Variants in BRF1 observed in about 807,000 individuals in gnomAD.
The protein encoded by BRF1 is BRF1 general transcription factor IIIB subunit.
In BRF1, 59 loss-of-function variants were observed where a neutral mutation model predicts 81.7. The ratio of observed to expected loss-of-function variants is 0.72; its 90% CI spans 0.59 to 0.90. BRF1 has a LOEUF of 0.90. Ranked by LOEUF, BRF1 falls within the 40% of genes least tolerant of loss-of-function variation. The probability of loss-of-function intolerance (pLI) is 0.00; values close to 1 mark genes in which losing one functional copy is unlikely to be tolerated. For missense variants in BRF1, 1,050 were observed against 936.3 expected (o/e 1.12, Z -1.58); for synonymous variants, 491 against 395.6 (o/e 1.24, Z -2.86).
At chr14:105,294,930 C>A (rs754173517) in intron 1 of BRF1, among the ~76,000 whole-genome samples, 2 of 152,116 alleles carry the variant, frequency 1.3e-5, no homozygotes, top group Non-Finnish European at 2.9e-5. Flanking sequence ...TGAAAGAAGC[C>A]GAAACCACAG....
chr14:105,305,153 C>A (rs1266304125), upstream of BRF1, among the ~76,000 whole-genome samples: 1 of 152,138 alleles, frequency 6.6e-6, no homozygotes, highest in Non-Finnish European at 1.5e-5. Context: ...GTGATCTCAG[C>A]ACTTTGGGAG....
intron 1 of BRF1, among the ~76,000 whole-genome samples, chr14:105,294,216 C>T (rs1426699049): frequency 6.6e-6 from 1 of 152,260 alleles, no homozygotes; most frequent in Non-Finnish European, 1.5e-5. Flanking sequence ...GAACCCGCCG[C>T]CTCGCAGCAC....
chr14:105,293,207 T>G (rs1229345954), intron 1 of BRF1, among the ~76,000 whole-genome samples: 2 of 152,106 alleles, frequency 1.3e-5, no homozygotes, highest in East Asian at 3.9e-4. Context: ...CACATCCTTC[T>G]CTGAGGCAGA....
chr14:105,249,576 C>A lies in BRF1; in HGVS notation c.544+2931G>T, dbSNP rs1489013733. 2.5e-6 allele frequency: 4 copies of A among 1,586,198 alleles called. No individual in the cohort carries two copies. In the African/African-American group the frequency reaches 5.4e-5, roughly 21 times the overall value. ...ACACAGGAGCTGATGGACTCCTCTC[C>A]CAGGCCCAGCCCCGCGATGGGTGCT... is the stretch of plus-strand genomic sequence containing the variant. On this transcript the variant is annotated intron_variant, in intron 5 of 17. Transcript: ENST00000547530.
chr14:105,220,401 A>G (rs1366395579), intron 11 of BRF1, among the ~76,000 whole-genome samples: 3 of 152,224 alleles, frequency 2.0e-5, no homozygotes, highest in Admixed American at 6.5e-5. Context: ...TAAAAAAGCA[A>G]CTTTTTAAGA....
chr14:105,315,020 C>T lies in BRF1; in HGVS notation c.-162+302G>A. 3 of 1,226,114 alleles carry T rather than the reference C, an allele frequency of 2.4e-6. No homozygotes were observed. The highest frequency in any genetic ancestry group is 2.1e-6 in the Non-Finnish European group (2 of 965,282). 76.0% of individuals were successfully genotyped at this position (1,226,114 alleles called of 1,614,324 possible). ...CCACCTGGGAGGTGGACGGCTCCAGCCCCAGCTGCGTGCCCAGGTACGCGC... is the reference window on the plus strand; with the variant it reads ...CCACCTGGGAGGTGGACGGCTCCAGTCCCAGCTGCGTGCCCAGGTACGCGC... On this transcript the variant is annotated intron_variant, in intron 1 of 17. Transcript: ENST00000327359. The surrounding 1 kb of genome is among the most constrained non-coding windows in gnomAD (Gnocchi z 4.4).
At chr14:105,229,077 C>T (rs182253664) in intron 6 of BRF1, among the ~76,000 whole-genome samples, 164 bp from the exon 7 acceptor site, 449 of 152,320 alleles carry the variant, frequency 2.9e-3, no homozygotes, top group Non-Finnish European at 3.9e-3. Context: ...TACTCCTGAA[C>T]GACATGACCC....
Position 105,269,681 on chromosome 14 carries a change from C to T in BRF1, c.439+3040G>A, listed in dbSNP as rs587664533. ...GTCCTGCCAGACTCAGAGGCAGCCC[C>T]GGCAGTGCCACAGGACTGCTCTCCG... On this transcript the variant is annotated intron_variant, in intron 3 of 17. Transcript: ENST00000547530. This position sits in a 1 kb window ranked among gnomAD's most constrained non-coding sequence, Gnocchi z 5.0. 2.6e-5 allele frequency among the ~76,000 whole-genome samples: 4 copies of T among 152,234 alleles called. No individual in the cohort carries two copies. The highest frequency in any genetic ancestry group is 3.9e-4 in the East Asian group (2 of 5,172).
At chr14:105,241,132 C>T (rs1170832022) in intron 6 of BRF1, 133 bp downstream of exon 6, 13 of 1,427,680 alleles carry the variant, frequency 9.1e-6, no homozygotes, top group Admixed American at 4.3e-5. Context: ...AGGCCAGAGT[C>T]AGCCCCGGGA....
intron 6 of BRF1, 51 bp downstream of exon 6, chr14:105,241,214 T>C: frequency 6.3e-7 from 1 of 1,595,822 alleles, no homozygotes; most frequent in South Asian, 1.1e-5. Flanking sequence ...CAGGAAAGTG[T>C]GAGGCCAGGA....
At position 105,284,572 on chromosome 14, in the gene BRF1, A is replaced by G. The variant is rs73353774; in HGVS notation, c.265+1724T>C. 0.079 allele frequency among the ~76,000 whole-genome samples: 12,053 copies of G among 152,248 alleles called. 1,022 individuals carry two copies. Among genetic ancestry groups the G allele is most frequent in the African/African-American group, 0.21 (8,745 of 41,496 alleles). On this transcript the variant is annotated intron_variant, in intron 2 of 17. Transcript: ENST00000547530. The surrounding 1 kb of genome is among the most constrained non-coding windows in gnomAD (Gnocchi z 4.0). ...CTTCCAGCATCCACACTAAGGCTGCAGGACATGGCTGCACCGATCACAAGA... is the reference window on the plus strand; with the variant it reads ...CTTCCAGCATCCACACTAAGGCTGCGGGACATGGCTGCACCGATCACAAGA...
chr14:105,267,170 T>C (rs1398759945), intron 3 of BRF1, among the ~76,000 whole-genome samples: 2 of 152,242 alleles, frequency 1.3e-5, no homozygotes, highest in East Asian at 3.8e-4. Flanking sequence ...GAATGATGTA[T>C]TAATAATGTC....
intron 10 of BRF1, chr14:105,222,211 G>C (rs1892388999): frequency 2.9e-6 from 1 of 347,880 alleles, no homozygotes; most frequent in Non-Finnish European, 5.2e-6. Flanking sequence ...GGTTCTAAAA[G>C]CAGAATCCAT....
chr14:105,251,613 C>G (rs587736861), intron 5 of BRF1, among the ~76,000 whole-genome samples: 1 of 152,174 alleles, frequency 6.6e-6, no homozygotes, highest in Non-Finnish European at 1.5e-5. Context: ...TAGCCTCAGC[C>G]GGTGCCCCTC....
intron 1 of BRF1, among the ~76,000 whole-genome samples, chr14:105,311,154 A>G (rs927870279): frequency 1.9e-4 from 29 of 152,130 alleles, no homozygotes; most frequent in Admixed American, 1.4e-3. Flanking sequence ...GGGTTTCACT[A>G]TGTTGGCCAG....
Position 105,209,865 on chromosome 14 carries a change from C to T in BRF1, c.*686G>A. On this transcript the variant is annotated 3_prime_UTR_variant, in exon 18 of 18. Coordinates refer to ENST00000547530, the MANE Select transcript of BRF1 (RefSeq NM_001519.4). Reference sequence around the variant, plus strand: ...GCCCACAACTCAAGTGGCCCTGGAGCAGGGGTCTGACCCCCATGCTGCTCC... The same window carrying T: ...GCCCACAACTCAAGTGGCCCTGGAGTAGGGGTCTGACCCCCATGCTGCTCC... 1 of 477,920 alleles carries T rather than the reference C, an allele frequency of 2.1e-6. No individual in the cohort carries two copies. Among genetic ancestry groups the T allele is most frequent in the Non-Finnish European group, 3.7e-6 (1 of 272,492 alleles). The allele number at this position is 477,920 out of a possible 1,614,324, so 29.6% of individuals were successfully genotyped here.
At chr14:105,212,487 G>C (rs1890279170) in intron 15 of BRF1, 1 of 335,732 alleles carries the variant, frequency 3.0e-6, no homozygotes, top group East Asian at 6.4e-5. Flanking sequence ...CTCACTCAGG[G>C]AGGAGGGGAG....
chr14:105,273,652 G>A (rs1232280057), intron 2 of BRF1, among the ~76,000 whole-genome samples: 1 of 152,200 alleles, frequency 6.6e-6, no homozygotes, highest in Admixed American at 6.5e-5. Context: ...TGGAATCAAG[G>A]TTTCAGGGAT....
intron 1 of BRF1, among the ~76,000 whole-genome samples, chr14:105,294,072 C>T (rs151058900): frequency 3.7e-4 from 57 of 152,254 alleles, no homozygotes; most frequent in Non-Finnish European, 6.6e-4. Flanking sequence ...ACCACTGTGA[C>T]GAGGGAGGAA....
Sources: gnomAD v4.1 joint callset for allele counts (sites outside exome capture counted in the v4.1 genomes callset) on GRCh38, gnomAD v4.1.1 for gene constraint, Gnocchi (gnomAD v3.1) non-coding constraint, MANE v1.5 for transcripts, NCBI Gene and HGNC (gene_info 2026-07-23, HGNC 2026-07-21) for gene names.